Variants in ST8SIA5 observed in about 807,000 individuals in gnomAD.
The protein encoded by ST8SIA5 is alpha-2,8-sialyltransferase 8E.
In ST8SIA5, 24 loss-of-function variants were observed where a neutral mutation model predicts 40.2. The ratio of observed to expected loss-of-function variants is 0.60; its 90% CI spans 0.43 to 0.84. ST8SIA5 has a LOEUF of 0.84. ST8SIA5 is among the 40% of genes least tolerant of loss of function. ST8SIA5 has a pLI of 0.00. For missense variants in ST8SIA5, 465 were observed against 498.5 expected (o/e 0.93, Z 0.64); for synonymous variants, 198 against 201.8 (o/e 0.98, Z 0.16).
At position 46,692,114 on chromosome 18, in the gene ST8SIA5, G is replaced by A. The variant is rs771783831; in HGVS notation, c.311+55C>T. The A allele has an allele frequency of 7.0e-6, 11 of 1,566,566 alleles. No individual in the cohort carries two copies. In the African/African-American group the frequency reaches 1.5e-4, roughly 21 times the overall value. The stretch of plus-strand genomic sequence containing the variant: ...TGCAGGACAATGGAGACCAGAAGAG[G>A]TGGCAGTGAGGAGAATCATACAAGG... On this transcript the variant is annotated intron_variant, in intron 3 of 6. Transcript: ENST00000315087.
intron 1 of ST8SIA5, among the ~76,000 whole-genome samples, chr18:46,718,154 C>T (rs2039811851): frequency 6.6e-6 from 1 of 152,028 alleles, no homozygotes; most frequent in South Asian, 2.1e-4. Flanking sequence ...CACAGTGAAA[C>T]CCCGTCTCTA....
chr18:46,752,851 G>T (rs2040207122), intron 1 of ST8SIA5, among the ~76,000 whole-genome samples: 1 of 152,204 alleles, frequency 6.6e-6, no homozygotes, highest in African/African-American at 2.4e-5. Flanking sequence ...AAGTGGACCT[G>T]CTCCCTGCAA....
In ST8SIA5 at chr18:46,674,721, T is replaced by C. The variant is rs1021494088; in HGVS notation, c.*5321A>G. 6.6e-6 allele frequency: 1 copy of C among 152,324 alleles called. No homozygotes were observed. The highest frequency in any genetic ancestry group is 6.5e-5 in the Admixed American group (1 of 15,286). 9.4% of individuals were successfully genotyped at this position (152,324 alleles called of 1,614,324 possible). On this transcript the variant is annotated 3_prime_UTR_variant, in exon 7 of 7. Coordinates refer to ENST00000315087, the MANE Select transcript of ST8SIA5 (RefSeq NM_013305.6). ...GAGGATGTCCTAATGGAGTCGGTGA[T>C]GGTTGCAGCAGAAGCACAGAGGAGA...
intron 1 of ST8SIA5, among the ~76,000 whole-genome samples, chr18:46,736,808 C>T (rs77513709): frequency 0.01 from 1,592 of 152,118 alleles, 17 homozygotes; most frequent in South Asian, 0.025. Flanking sequence ...GGACACCCCC[C>T]GCTGACCCAG....
chr18:46,723,925 T>TAA (rs879694921), intron 1 of ST8SIA5, among the ~76,000 whole-genome samples: 2,610 of 141,382 alleles, frequency 0.018, 77 homozygotes, highest in African/African-American at 0.063. Context: ...AAACTCCATC[T>TAA]AAAAAAAAAA....
At chr18:46,724,745 G>A (rs994132409) in intron 1 of ST8SIA5, among the ~76,000 whole-genome samples, 2 of 152,088 alleles carry the variant, frequency 1.3e-5, no homozygotes, top group South Asian at 2.1e-4. Flanking sequence ...AAACCGAGGT[G>A]GGTGGATCAC....
intron 4 of ST8SIA5, 121 bp from the exon 5 acceptor site, chr18:46,686,407 G>T: frequency 2.6e-6 from 2 of 764,522 alleles, no homozygotes; most frequent in Non-Finnish European, 2.2e-6. Flanking sequence ...AGCCTTGTGG[G>T]GAATGTGGGA....
At chr18:46,744,566 A>C (rs1271044421) in intron 1 of ST8SIA5, among the ~76,000 whole-genome samples, 1 of 152,220 alleles carries the variant, frequency 6.6e-6, no homozygotes, top group African/African-American at 2.4e-5. Context: ...TTCATAAAGC[A>C]AGTCCTTAGA....
At chr18:46,739,842 TCCTCTTCCAGGGCATATA>T (rs757584795) in intron 1 of ST8SIA5, among the ~76,000 whole-genome samples, 23 of 152,152 alleles carry the variant, frequency 1.5e-4, no homozygotes, top group Non-Finnish European at 3.2e-4. Context: ...CAAGGTTATG[TCCTCTTCCAGGGCATATA>T]CCTCTTCCAG....
chr18:46,696,892 G>C (rs890345921), intron 2 of ST8SIA5, among the ~76,000 whole-genome samples: 2 of 152,142 alleles, frequency 1.3e-5, no homozygotes, highest in African/African-American at 4.8e-5. Flanking sequence ...AGTAGCACAA[G>C]GACAGGATGA....
At chr18:46,741,280 A>G (rs1260350978) in intron 1 of ST8SIA5, among the ~76,000 whole-genome samples, 1 of 152,172 alleles carries the variant, frequency 6.6e-6, no homozygotes, top group Non-Finnish European at 1.5e-5. Context: ...GAAAAATATA[A>G]TTTACCAAAA....
intron 1 of ST8SIA5, among the ~76,000 whole-genome samples, chr18:46,728,712 C>A (rs1208710012): frequency 6.6e-6 from 1 of 152,236 alleles, no homozygotes; most frequent in African/African-American, 2.4e-5. Context: ...CTGCTTCAGG[C>A]TGAGGCCCCC....
intron 3 of ST8SIA5, 36 bp from the exon 4 acceptor site, chr18:46,688,955 G>A: frequency 1.3e-6 from 2 of 1,593,132 alleles, no homozygotes; most frequent in Non-Finnish European, 1.7e-6. Flanking sequence ...AAGACGTGAT[G>A]CAGGAAAGAT....
chr18:46,737,805 G>A (rs1002687956), intron 1 of ST8SIA5, among the ~76,000 whole-genome samples: 6 of 151,370 alleles, frequency 4.0e-5, no homozygotes, highest in African/African-American at 1.5e-4. Context: ...GAGTCTCACT[G>A]TGTCGCCCAG....
At chr18:46,719,732 C>CTTTCTTTCTTTCT (rs2039839517) in intron 1 of ST8SIA5, among the ~76,000 whole-genome samples, 1 of 11,558 alleles carries the variant, frequency 8.7e-5, no homozygotes, top group Admixed American at 1.2e-3. Context: ...CTTTCTCTCT[C>CTTTCTTTCTTTCT]TTCTTTCCTT....
chr18:46,745,857 G>C (rs930363473), intron 1 of ST8SIA5, among the ~76,000 whole-genome samples: 1 of 152,172 alleles, frequency 6.6e-6, no homozygotes. Context: ...ACATCAAAAA[G>C]CTTATCCACC....
intron 5 of ST8SIA5, among the ~76,000 whole-genome samples, chr18:46,682,643 C>A (rs1457034171): frequency 6.6e-6 from 1 of 152,238 alleles, no homozygotes; most frequent in Non-Finnish European, 1.5e-5. Flanking sequence ...TGTGACTATG[C>A]AGCCTTACGT....
chr18:46,733,151 C>A (rs1399544620), intron 1 of ST8SIA5, among the ~76,000 whole-genome samples: 1 of 152,144 alleles, frequency 6.6e-6, no homozygotes, highest in African/African-American at 2.4e-5. Flanking sequence ...AGGGGGAAGA[C>A]CCCGAAGGCG....
rs1304057079 is a variant in ST8SIA5 at position 46,755,214 on chromosome 18, G to C, written c.131+1164C>G. Among the ~76,000 whole-genome samples the C allele has an allele frequency of 3.3e-5, 5 of 152,204 alleles. No individual in the cohort carries two copies. The South Asian group carries it at 1.0e-3, about 32-fold the overall frequency. On this transcript the variant is annotated intron_variant, in intron 1 of 6. Transcript: ENST00000315087. ...TTCCACTGGACAGCGACACCTAGCA[G>C]CGATCCTCACCCTCCCACCTTCGTG... is the stretch of plus-strand genomic sequence containing the variant.
Sources: allele counts gnomAD v4.1 joint callset (sites outside exome capture counted in the v4.1 genomes callset), GRCh38; gene constraint gnomAD v4.1.1; transcripts MANE v1.5; gene names NCBI Gene and HGNC (gene_info 2026-07-23, HGNC 2026-07-21).